Variants in CFAP20DC observed in about 807,000 individuals in gnomAD.
CFAP20DC encodes CFAP20 domain containing, also known as protein CFAP20DC.
In CFAP20DC, 84 loss-of-function variants were observed where a neutral mutation model predicts 101.7. That is an observed-to-expected ratio of 0.83 (90% CI 0.69 to 0.99). CFAP20DC has a LOEUF of 0.99. Ranked by LOEUF, CFAP20DC falls within the 50% of genes least tolerant of loss-of-function variation. The probability of loss-of-function intolerance (pLI) is 0.00; values close to 1 mark genes in which losing one functional copy is unlikely to be tolerated. For missense variants in CFAP20DC, 1,007 were observed against 970.3 expected, an observed-to-expected ratio of 1.04 and a Z score of -0.50; for synonymous variants, 359 against 351.2, an observed-to-expected ratio of 1.02 and a Z score of -0.25.
At chr3:58,841,264 G>A (rs527535696) in intron 13 of CFAP20DC, among the ~76,000 whole-genome samples, 2 of 152,288 alleles carry the variant, frequency 1.3e-5, no homozygotes, top group Admixed American at 1.3e-4. Context: ...GACATTTATG[G>A]ATTCTTCAAA....
At chr3:58,842,537 G>C (rs1330490831) in intron 13 of CFAP20DC, among the ~76,000 whole-genome samples, 2 of 152,092 alleles carry the variant, frequency 1.3e-5, no homozygotes, top group South Asian at 2.1e-4. Flanking sequence ...CTCGCTGATT[G>C]CTAGCACAGC....
At chr3:58,831,287 T>C (rs1559665375) in intron 14 of CFAP20DC, among the ~76,000 whole-genome samples, 1 of 152,222 alleles carries the variant, frequency 6.6e-6, no homozygotes, top group Non-Finnish European at 1.5e-5. Flanking sequence ...ATCCAAGCAA[T>C]ACTTGTGTAT....
intron 6 of CFAP20DC, among the ~76,000 whole-genome samples, chr3:58,903,406 A>G (rs2083320630): frequency 6.6e-6 from 1 of 152,200 alleles, no homozygotes; most frequent in Non-Finnish European, 1.5e-5. Context: ...TTCTCCTTCT[A>G]TTAAATGGTC....
rs1559972335 is a variant in CFAP20DC, at chr3:59,002,164, C to T, written c.278+37393G>A. Among the ~76,000 whole-genome samples, 2 of 152,076 alleles carry T rather than the reference C, an allele frequency of 1.3e-5. No individual in the cohort carries two copies. The highest frequency in any genetic ancestry group is 6.5e-5 in the Admixed American group (1 of 15,268). On this transcript the variant is annotated intron_variant, in intron 4 of 16. Coordinates refer to ENST00000482387, the MANE Select transcript of CFAP20DC (RefSeq NM_001394063.1). The surrounding 1 kb of genome is among the most constrained non-coding windows in gnomAD (Gnocchi z 4.5). Reference sequence around the variant, plus strand: ...ACTGACAAGCCTTCACAAAGTTACTCGCAGAGCCTCTGTTTCCTCATCTAC... The same window carrying T: ...ACTGACAAGCCTTCACAAAGTTACTTGCAGAGCCTCTGTTTCCTCATCTAC...
At chr3:58,928,899 A>G (rs1263839379) in intron 5 of CFAP20DC, among the ~76,000 whole-genome samples, 1 of 152,190 alleles carries the variant, frequency 6.6e-6, no homozygotes, top group Non-Finnish European at 1.5e-5. Context: ...AGCCATATTT[A>G]TCTTTCTTGC....
intron 13 of CFAP20DC, among the ~76,000 whole-genome samples, chr3:58,841,339 G>C (rs903849910): frequency 6.6e-6 from 1 of 152,218 alleles, no homozygotes; most frequent in South Asian, 2.1e-4. Flanking sequence ...GAAAGAGAGA[G>C]AGATGGCTTG....
chr3:58,989,980 A>G (rs1344894096), intron 4 of CFAP20DC, among the ~76,000 whole-genome samples: 2 of 152,202 alleles, frequency 1.3e-5, no homozygotes, highest in Non-Finnish European at 2.9e-5. Context: ...TATAAAAATT[A>G]TAGTAAATGA....
intron 1 of CFAP20DC, among the ~76,000 whole-genome samples, chr3:59,049,309 A>G (rs545509713): frequency 6.6e-6 from 1 of 152,334 alleles, no homozygotes; most frequent in East Asian, 1.9e-4. Flanking sequence ...CCTGCCCTCA[A>G]GATTCTGATT....
At chr3:58,925,338 T>C (rs1443755704) in intron 5 of CFAP20DC, among the ~76,000 whole-genome samples, 1 of 152,216 alleles carries the variant, frequency 6.6e-6, no homozygotes, top group Non-Finnish European at 1.5e-5. Context: ...GATATTTTCC[T>C]CCAGTAGTAC....
chr3:58,870,921 A>AAAAAAAAAG (rs2080147120), intron 7 of CFAP20DC, among the ~76,000 whole-genome samples: 1 of 149,848 alleles, frequency 6.7e-6, no homozygotes, highest in South Asian at 2.1e-4. Context: ...AAAAAAAAAA[A>AAAAAAAAAG]AAAGAAAAAA....
rs959831575 is a variant in CFAP20DC at position 58,892,195 on chromosome 3, C to A, written c.551-7486G>T. 1.3e-5 allele frequency among the ~76,000 whole-genome samples: 2 copies of A among 152,142 alleles called. No individual in the cohort carries two copies. Among genetic ancestry groups the A allele is most frequent in the East Asian group, 3.9e-4 (2 of 5,192 alleles). ...CTATTCTCTTCCACTGGTCTATGTG[C>A]CTGTTTTCGTATCAGTACCATGCTC... On this transcript the variant is annotated intron_variant, in intron 6 of 16. Coordinates refer to ENST00000482387, the MANE Select transcript of CFAP20DC (RefSeq NM_001394063.1). The surrounding 1 kb of genome is among the most constrained non-coding windows in gnomAD (Gnocchi z 4.0).
chr3:59,039,683 A>C (rs2094164166), intron 3 of CFAP20DC, 54 bp from the exon 4 acceptor site: 1 of 1,098,982 alleles, frequency 9.1e-7, no homozygotes, highest in South Asian at 1.5e-5. Flanking sequence ...ATATGTGCAT[A>C]TAAACAAACA....
chr3:58,841,656 C>T (rs1188285696), intron 13 of CFAP20DC, among the ~76,000 whole-genome samples: 1 of 152,154 alleles, frequency 6.6e-6, no homozygotes, highest in Admixed American at 6.5e-5. Flanking sequence ...TTCCATAATT[C>T]AGTTTTGATT....
intron 12 of CFAP20DC, among the ~76,000 whole-genome samples, chr3:58,853,812 T>G (rs1433610090): frequency 6.6e-6 from 1 of 152,084 alleles, no homozygotes; most frequent in Non-Finnish European, 1.5e-5. Flanking sequence ...TCTCAATAAA[T>G]TAGGTATTGA....
intron 13 of CFAP20DC, among the ~76,000 whole-genome samples, chr3:58,841,891 G>A (rs2077142479): frequency 6.6e-6 from 1 of 152,138 alleles, no homozygotes; most frequent in South Asian, 2.1e-4. Flanking sequence ...TTTGTTTAAA[G>A]AAACACATAA....
intron 5 of CFAP20DC, among the ~76,000 whole-genome samples, chr3:58,927,803 C>G (rs768701257): frequency 1.3e-5 from 2 of 152,142 alleles, no homozygotes; most frequent in Non-Finnish European, 2.9e-5. Context: ...GTGAGATGCT[C>G]TCTGCCACCT....
chr3:58,950,819 C>G (rs1410987621), intron 4 of CFAP20DC, among the ~76,000 whole-genome samples: 1 of 152,226 alleles, frequency 6.6e-6, no homozygotes, highest in East Asian at 1.9e-4. Flanking sequence ...TAGAAGAAAA[C>G]CTAGGCATTA....
At chr3:58,791,688 AAAC>A (rs1162337264) in intron 15 of CFAP20DC, among the ~76,000 whole-genome samples, 3 of 152,200 alleles carry the variant, frequency 2.0e-5, no homozygotes, top group Non-Finnish European at 4.4e-5. Context: ...AGTGACTTAA[AAAC>A]AACAAATGTT....
At chr3:58,810,162 C>T (rs973881288) in intron 14 of CFAP20DC, among the ~76,000 whole-genome samples, 6 of 152,018 alleles carry the variant, frequency 3.9e-5, no homozygotes, top group African/African-American at 1.4e-4. Context: ...GAAACTATTC[C>T]AATCAATAGA....
Sources: gnomAD v4.1 joint callset for allele counts (sites outside exome capture counted in the v4.1 genomes callset) on GRCh38, gnomAD v4.1.1 for gene constraint, Gnocchi (gnomAD v3.1) non-coding constraint, MANE v1.5 for transcripts, NCBI Gene and HGNC (gene_info 2026-07-23, HGNC 2026-07-21) for gene names.